The following MMRN1 variants were observed in gnomAD, a reference collection of about 807,000 sequenced individuals.
MMRN1 encodes the protein multimerin 1, also known as multimerin-1.
In MMRN1, 94 loss-of-function variants were observed where a neutral mutation model predicts 100.7. The observed-to-expected ratio is 0.93, with a 90% CI of 0.79 to 1.11. MMRN1 has a LOEUF of 1.11. Ranked by LOEUF, MMRN1 falls within the 50% of genes least tolerant of loss-of-function variation. The pLI, the probability that MMRN1 is intolerant of heterozygous loss-of-function variation, is 0.00. For synonymous variants in MMRN1, 575 were observed against 505.0 expected (o/e 1.14, Z -1.86); for missense variants, 1,606 against 1,439.1 (o/e 1.12, Z -1.88).
intron 3 of MMRN1, among the ~76,000 whole-genome samples, chr4:89,913,243 A>G (rs1406101190): frequency 6.6e-6 from 1 of 151,336 alleles, no homozygotes; most frequent in African/African-American, 2.4e-5. Flanking sequence ...TGTTTCTGAA[A>G]TCTGTATTTC....
At position 89,894,996 on chromosome 4, in the gene MMRN1, C is replaced by T. The variant is rs745372071; in HGVS notation, c.25C>T (p.Leu9Phe). The change falls in exon 1 of 8, where the codon CTT becomes TTT. Residue 9 changes from leucine to phenylalanine, a missense_variant. Leu to Phe is a conservative substitution (Grantham distance 22, BLOSUM62 0). Transcript: ENST00000264790. ...GATGAAGGGGGCAAGATTATTTGTC[C>T]TTCTTTCTAGTTTATGGAGTGGGGG... MKGARLFV[L>F]LSSLWSGGIG... The T allele has an allele frequency of 6.2e-7, 1 of 1,611,912 alleles. No individual in the cohort carries two copies. Among genetic ancestry groups the T allele is most frequent in the Non-Finnish European group, 8.5e-7 (1 of 1,178,744 alleles).
rs371965283 is a variant in MMRN1, at chr4:89,911,963, C to A, written c.763C>A (p.Pro255Thr). ...CPQRSQKISNPVYRMQHKIVT... is the reference protein window; with the variant it reads ...CPQRSQKISNTVYRMQHKIVT... ...CTCTAGATCTCAGAAGATATCCAATCCTGTCTATAGGATGCAACATAAAAT... is the reference window on the plus strand; with the variant it reads ...CTCTAGATCTCAGAAGATATCCAATACTGTCTATAGGATGCAACATAAAAT... Residue 255 changes from proline (P) to threonine (T), a missense_variant, in exon 3 of 8, where the codon CCT becomes ACT. By Grantham distance (38) the Pro-to-Thr change is conservative (BLOSUM62 -1). Transcript: ENST00000264790. The A allele has an allele frequency of 6.9e-6, 11 of 1,599,840 alleles. No individual in the cohort carries two copies. Among genetic ancestry groups the A allele is most frequent in the South Asian group, 1.1e-5 (1 of 89,832 alleles).
chr4:89,951,181 G>T (rs991632748), intron 6 of MMRN1, among the ~76,000 whole-genome samples: 4 of 151,786 alleles, frequency 2.6e-5, no homozygotes, highest in East Asian at 1.9e-4. Context: ...TAGTATTTTT[G>T]TATATGTGGA....
intron 5 of MMRN1, among the ~76,000 whole-genome samples, chr4:89,932,205 G>A (rs960906341): frequency 2.0e-5 from 3 of 152,134 alleles, no homozygotes; most frequent in Non-Finnish European, 4.4e-5. Context: ...TTAAAGCTCC[G>A]AAGTGATCTC....
intron 1 of MMRN1, among the ~76,000 whole-genome samples, chr4:89,908,544 A>G (rs956091307): frequency 1.3e-5 from 2 of 151,516 alleles, no homozygotes; most frequent in African/African-American, 2.4e-5. Flanking sequence ...ACTTTTCAAT[A>G]AAGTTTAAAA....
At chr4:89,922,254 G>A (rs1578484523) in intron 3 of MMRN1, among the ~76,000 whole-genome samples, 1 of 151,830 alleles carries the variant, frequency 6.6e-6, no homozygotes, top group East Asian at 1.9e-4. Context: ...ACAGGCACCT[G>A]AGCCACCACA....
intron 6 of MMRN1, among the ~76,000 whole-genome samples, chr4:89,939,165 G>A (rs1722746780): frequency 6.6e-6 from 1 of 152,020 alleles, no homozygotes; most frequent in Non-Finnish European, 1.5e-5. Context: ...TATACCAGGG[G>A]TGGGACACAC....
At chr4:89,887,609 T>C (rs947858335) in intron 1 of MMRN1, among the ~76,000 whole-genome samples, 1 of 152,124 alleles carries the variant, frequency 6.6e-6, no homozygotes, top group Admixed American at 6.6e-5. Flanking sequence ...CCTTTTTATA[T>C]GAAGTGAGTA....
chr4:89,931,533 A>G (rs535637367), intron 5 of MMRN1, among the ~76,000 whole-genome samples: 2 of 152,192 alleles, frequency 1.3e-5, no homozygotes, highest in Admixed American at 6.5e-5. Flanking sequence ...GTGTTAGTCC[A>G]TTTTCATATT....
chr4:89,894,917 CATAA>C lies in MMRN1; in HGVS notation c.-54_-51del. The C allele has an allele frequency of 6.4e-7, 1 of 1,553,552 alleles. No homozygotes were observed. The highest frequency in any genetic ancestry group is 8.7e-7 in the Non-Finnish European group (1 of 1,152,076). On this transcript the variant is annotated 5_prime_UTR_variant, in exon 1 of 8. Coordinates refer to ENST00000264790, the MANE Select transcript of MMRN1 (RefSeq NM_007351.3). Reference sequence around the variant, plus strand: ...GTGTGGAAGCAGCTATCAAAAAGGCCATAAGGATTTTGTCCCCAAATTTCACATG... The same window carrying C: ...GTGTGGAAGCAGCTATCAAAAAGGCCGGATTTTGTCCCCAAATTTCACATG...
At chr4:89,883,068 C>G (rs1178042620) in intron 1 of MMRN1, among the ~76,000 whole-genome samples, 1 of 151,996 alleles carries the variant, frequency 6.6e-6, no homozygotes, top group Non-Finnish European at 1.5e-5. Context: ...TTTTGACATT[C>G]ATAGATGTAA....
chr4:89,915,375 A>G (rs1424512945), intron 3 of MMRN1, among the ~76,000 whole-genome samples: 1 of 151,554 alleles, frequency 6.6e-6, no homozygotes, highest in Non-Finnish European at 1.5e-5. Flanking sequence ...AGTAAATCTC[A>G]GTAAAGCTTA....
intron 3 of MMRN1, among the ~76,000 whole-genome samples, chr4:89,918,778 C>T (rs1241567156): frequency 6.6e-6 from 1 of 151,800 alleles, no homozygotes. Context: ...ATTGCACAGG[C>T]TTCACCTATG....
rs865879952 is a variant in MMRN1, at chr4:89,895,464, A to G, written c.493A>G (p.Ile165Val). The G allele has an allele frequency of 1.2e-6, 2 of 1,613,626 alleles. No individual in the cohort carries two copies. The highest frequency in any genetic ancestry group is 3.3e-5 in the Admixed American group (2 of 59,946). ...AAACACAGTTGGAGGCACTGGAGGC[A>G]TTGGAGGCGTTGGAGGCACTGGAGG... ...SLNTVGGTGG[I>V]GGVGGTGGVG... The change falls in exon 1 of 8, where the codon ATT becomes GTT. Residue 165 changes from isoleucine to valine, a missense_variant. By Grantham distance (29) the Ile-to-Val change is conservative (BLOSUM62 3). Transcript: ENST00000264790.
At chr4:89,934,296 A>G (rs1350222246) in intron 5 of MMRN1, among the ~76,000 whole-genome samples, 1 of 151,998 alleles carries the variant, frequency 6.6e-6, no homozygotes, top group Non-Finnish European at 1.5e-5. Context: ...ATATTACTTC[A>G]TTTTTCCTCA....
At chr4:89,920,806 T>C (rs920138512) in intron 3 of MMRN1, among the ~76,000 whole-genome samples, 5 of 151,546 alleles carry the variant, frequency 3.3e-5, no homozygotes, top group Non-Finnish European at 7.4e-5. Context: ...TGTAGAGTTT[T>C]GTTTTTTTTG....
In MMRN1 at chr4:89,909,412, G is replaced by T; in HGVS notation, c.743+17G>T. 1 of 1,607,472 alleles carries T rather than the reference G, an allele frequency of 6.2e-7. No individual in the cohort carries two copies. Among genetic ancestry groups the T allele is most frequent in the East Asian group, 2.2e-5 (1 of 44,532 alleles). On this transcript the variant is annotated intron_variant, in intron 2 of 7. Transcript: ENST00000264790. ...TCCTCAGAGGTATGTAATATTTCTT[G>T]AAAATAGCCACTGTTTTTGCACCAT...
rs766445083 is a variant in MMRN1 at position 89,895,031 on chromosome 4, TAAC to T, written c.65_67del (p.Asn22del). ...GTTTATGGAGTGGGGGCATTGGGCT[TAAC>T]AACAGTAAGCATTCTTGGACTATAC... is the stretch of plus-strand genomic sequence containing the variant. On this transcript the variant is annotated inframe_deletion, in exon 1 of 8. Transcript: ENST00000264790. 1.7e-5 allele frequency: 27 copies of T among 1,613,730 alleles called. No individual in the cohort carries two copies. The East Asian group carries it at 5.8e-4, about 35-fold the overall frequency.
Position 89,888,431 on chromosome 4 carries a change from G to A in MMRN1, c.-248-6293G>A, listed in dbSNP as rs187672467. On this transcript the variant is annotated intron_variant, in intron 1 of 8. Coordinates refer to the MMRN1 transcript ENST00000394980. ...TAGCTATAATTGTGTTCCCCTTTATGTGATATGGCGTGTTTTTTTTTTTCC... is the reference window on the plus strand; with the variant it reads ...TAGCTATAATTGTGTTCCCCTTTATATGATATGGCGTGTTTTTTTTTTTCC... 8.1e-5 allele frequency among the ~76,000 whole-genome samples: 12 copies of A among 148,814 alleles called. No individual in the cohort carries two copies. The East Asian group carries it at 2.3e-3, about 29-fold the overall frequency.
Sources: allele counts gnomAD v4.1 joint callset (sites outside exome capture counted in the v4.1 genomes callset), GRCh38; gene constraint gnomAD v4.1.1; transcripts MANE v1.5; gene names NCBI Gene and HGNC (gene_info 2026-07-23, HGNC 2026-07-21).